SP140L: variants seen among roughly 807,000 people sequenced by gnomAD.
The protein encoded by SP140L is SP140 like nuclear body protein.
SP140L carries 64 observed loss-of-function variants against 84.3 expected under a neutral mutation model. The observed-to-expected ratio is 0.76, with a 90% confidence interval of 0.62 to 0.94. The LOEUF is 0.94. Ranked by LOEUF, SP140L falls within the 40% of genes least tolerant of loss-of-function variation. The pLI is 0.00. For synonymous variants in SP140L, 242 were observed against 236.9 expected (o/e 1.02, Z -0.20); for missense variants, 628 against 692.5 (o/e 0.91, Z 1.05).
At position 230,403,015 on chromosome 2, in the gene SP140L, A is replaced by G. The variant is rs1176173753; in HGVS notation, c.*119A>G. Reference sequence around the variant, plus strand: ...AGAGGCTTTTCTCTGAGCCTCCCTCATCTGCCCAAAAACAAATCCTCAAAA... The same window carrying G: ...AGAGGCTTTTCTCTGAGCCTCCCTCGTCTGCCCAAAAACAAATCCTCAAAA... On this transcript the variant is annotated 3_prime_UTR_variant, in exon 19 of 19. Coordinates refer to ENST00000415673, the MANE Select transcript of SP140L (RefSeq NM_138402.6). The G allele has an allele frequency of 1.4e-6, 1 of 735,050 alleles. No homozygotes were observed. The highest frequency in any genetic ancestry group is 2.2e-6 in the Non-Finnish European group (1 of 448,590). 45.5% of individuals were successfully genotyped at this position (735,050 alleles called of 1,614,324 possible). A position where few individuals can be genotyped will look rare whatever the true frequency, so the allele number is the denominator to read the frequency against.
chr2:230,356,262 G>A (rs2149726937), intron 2 of SP140L, among the ~76,000 whole-genome samples: 1 of 152,222 alleles, frequency 6.6e-6, no homozygotes, highest in South Asian at 2.1e-4. Context: ...ATTTACCCAA[G>A]AGAAATGAAA....
chr2:230,401,296 T>G (rs1337232179), intron 16 of SP140L, 70 bp from the exon 17 acceptor site: 50 of 1,611,486 alleles, frequency 3.1e-5, no homozygotes, highest in Non-Finnish European at 4.2e-5. Context: ...GTGAGTCGTG[T>G]GCTGTGTCTC....
At chr2:230,379,045 T>A (rs1456193300) in intron 7 of SP140L, among the ~76,000 whole-genome samples, 1 of 152,212 alleles carries the variant, frequency 6.6e-6, no homozygotes, top group African/African-American at 2.4e-5. Flanking sequence ...CCTTAAAATC[T>A]CTTTTACCAA....
At chr2:230,346,653 T>C (rs974400811) in intron 2 of SP140L, among the ~76,000 whole-genome samples, 2 of 152,226 alleles carry the variant, frequency 1.3e-5, no homozygotes, top group African/African-American at 4.8e-5. Flanking sequence ...TTCTTCTGCT[T>C]AAGTAAGCTG....
In SP140L at chr2:230,400,232, G is replaced by C. The variant is rs1334464921; in HGVS notation, c.1303G>C (p.Glu435Gln). 1 of 1,614,152 alleles carries C rather than the reference G, an allele frequency of 6.2e-7. No individual in the cohort carries two copies. The highest frequency in any genetic ancestry group is 2.2e-5 in the East Asian group (1 of 44,882). Residue 435 changes from glutamate (E) to glutamine (Q), a missense_variant, in exon 15 of 19, where the codon GAA (glutamate) becomes CAA (glutamine). This residue lies in a region of SP140L where 525 missense variants were observed against 518.4 expected (regional missense o/e 1.01). Transcript: ENST00000415673. ...FHEDCHIPPVESEKTPWNCIF... is the reference protein window; with the variant it reads ...FHEDCHIPPVQSEKTPWNCIF... ...TGAGGACTGCCACATCCCACCTGTGGAAAGTGAGAAGTAAGTGACATGCAG... is the reference window on the plus strand; with the variant it reads ...TGAGGACTGCCACATCCCACCTGTGCAAAGTGAGAAGTAAGTGACATGCAG...
At chr2:230,328,543 G>A (rs1198978856) in intron 1 of SP140L, among the ~76,000 whole-genome samples, 1 of 152,078 alleles carries the variant, frequency 6.6e-6, no homozygotes, top group Non-Finnish European at 1.5e-5. Context: ...AATTTACATA[G>A]CATAATTTTT....
chr2:230,383,359 C>A (rs1575519136), intron 7 of SP140L, 151 bp from the exon 8 acceptor site: 1 of 648,858 alleles, frequency 1.5e-6, no homozygotes, highest in African/African-American at 1.8e-5. Context: ...ACTCTGTACT[C>A]AACTTCCACA....
intron 14 of SP140L, among the ~76,000 whole-genome samples, chr2:230,397,630 GTCACCTTCTT>G (rs1426730498): frequency 5.3e-5 from 8 of 152,202 alleles, no homozygotes; most frequent in African/African-American, 1.9e-4. Context: ...TTTAGGCAAG[GTCACCTTCTT>G]GCACAACTCC....
intron 2 of SP140L, among the ~76,000 whole-genome samples, chr2:230,339,951 A>G (rs1206583866): frequency 6.6e-6 from 1 of 151,050 alleles, no homozygotes; most frequent in African/African-American, 2.4e-5. Flanking sequence ...GTGGTGCTGA[A>G]AAAAATGTAT....
At chr2:230,327,325 T>C (rs1479551887) in intron 1 of SP140L, 24 bp downstream of exon 1, 1 of 1,605,736 alleles carries the variant, frequency 6.2e-7, no homozygotes, top group South Asian at 1.1e-5. Flanking sequence ...TCTCTTCCTT[T>C]CACCTTTATC....
At chr2:230,364,879 T>C (rs536526199) in intron 5 of SP140L, among the ~76,000 whole-genome samples, 1 of 152,268 alleles carries the variant, frequency 6.6e-6, no homozygotes, top group South Asian at 2.1e-4. Flanking sequence ...ATGCTTTTTC[T>C]GCATCTATTG....
chr2:230,358,011 T>C lies in SP140L; in HGVS notation c.270+44T>C, dbSNP rs746782841. Reference sequence around the variant, plus strand: ...ACAACCTGGCAGATATGCTTTCATATTTTACAAGTATTTCTGTAAGTGCTC... The same window carrying C: ...ACAACCTGGCAGATATGCTTTCATACTTTACAAGTATTTCTGTAAGTGCTC... On this transcript the variant is annotated intron_variant, in intron 3 of 18. Coordinates refer to ENST00000415673, the MANE Select transcript of SP140L (RefSeq NM_138402.6). 28 of 1,600,818 alleles carry C rather than the reference T, an allele frequency of 1.7e-5. No homozygotes were observed. The Admixed American group carries it at 1.9e-4, about 11-fold the overall frequency.
intron 7 of SP140L, among the ~76,000 whole-genome samples, chr2:230,374,947 G>A (rs954361167): frequency 2.6e-5 from 4 of 152,020 alleles, no homozygotes; most frequent in Admixed American, 6.6e-5. Context: ...GAAACCAAAC[G>A]TGCAATATTT....
intron 9 of SP140L, among the ~76,000 whole-genome samples, chr2:230,387,313 T>G (rs2061625395): frequency 6.6e-6 from 1 of 152,222 alleles, no homozygotes; most frequent in East Asian, 1.9e-4. Context: ...GGTTAAATAT[T>G]AACAGGATGA....
In SP140L at chr2:230,371,045, C is replaced by G. The variant is rs2061051140; in HGVS notation, c.583+78C>G. 5 of 1,243,202 alleles carry G rather than the reference C, an allele frequency of 4.0e-6. No individual in the cohort carries two copies. In the Admixed American group the frequency reaches 5.5e-5, roughly 14 times the overall value. 77.0% of individuals were successfully genotyped at this position (1,243,202 alleles called of 1,614,324 possible). On this transcript the variant is annotated intron_variant, in intron 6 of 18. Coordinates refer to ENST00000415673, the MANE Select transcript of SP140L (RefSeq NM_138402.6). The stretch of plus-strand genomic sequence containing the variant: ...CCTGGGAAGAGTGGAGGCAGGTGCT[C>G]CAGTCCGCCCAGAATCCTGTTCTGT...
chr2:230,394,574 C>G (rs1166025525), intron 13 of SP140L, among the ~76,000 whole-genome samples: 2 of 152,226 alleles, frequency 1.3e-5, no homozygotes, highest in Non-Finnish European at 2.9e-5. Context: ...AGCAACTCTA[C>G]CTTTCCCCAG....
At chr2:230,386,142 G>A (rs957870015) in intron 9 of SP140L, among the ~76,000 whole-genome samples, 1 of 152,206 alleles carries the variant, frequency 6.6e-6, no homozygotes, top group African/African-American at 2.4e-5. Context: ...CTGGGTGTGA[G>A]TGAAGGGCTG....
At chr2:230,342,546 T>C (rs565138645) in intron 2 of SP140L, among the ~76,000 whole-genome samples, 2 of 152,326 alleles carry the variant, frequency 1.3e-5, no homozygotes, top group East Asian at 3.9e-4. Flanking sequence ...TGGAAAGGTT[T>C]TTTTTTCCTA....
chr2:230,385,252 C>G lies in SP140L; in HGVS notation c.732C>G (p.Val244=), dbSNP rs1267995545. The change falls in exon 9 of 19, where the codon GTC becomes GTG. Residue 244 remains valine, a synonymous_variant. Transcript: ENST00000415673. The stretch of plus-strand genomic sequence containing the variant: ...ACAGCAAAGCCGATGGCCAGCTGGT[C>G]TCGAGTGAAAAGAAGGCGAACATGA... ...NDNSKADGQL[V]SSEKKANMNL... 1.9e-6 allele frequency: 3 copies of G among 1,613,782 alleles called. No individual in the cohort carries two copies. The highest frequency in any genetic ancestry group is 2.5e-6 in the Non-Finnish European group (3 of 1,179,786).
Sources: allele counts gnomAD v4.1 joint callset (sites outside exome capture counted in the v4.1 genomes callset), GRCh38; gene constraint gnomAD v4.1.1; regional missense constraint gnomAD v4.1.1; transcripts MANE v1.5; gene names NCBI Gene and HGNC (gene_info 2026-07-23, HGNC 2026-07-21).